The following CAPZA1 variants were observed in gnomAD, a reference collection of about 807,000 sequenced individuals.
The protein encoded by CAPZA1 is capping actin protein of muscle Z-line subunit alpha 1, also known as F-actin-capping protein subunit alpha-1.
A neutral mutation model predicts 40.8 loss-of-function variants in CAPZA1; 10 were observed. That is an observed-to-expected ratio of 0.25 (90% CI 0.15 to 0.42). CAPZA1 has a LOEUF of 0.42. CAPZA1 is among the 10% of genes least tolerant of loss of function. The probability of loss-of-function intolerance (pLI) is 1.00; values close to 1 mark genes in which losing one functional copy is unlikely to be tolerated. For missense variants in CAPZA1, 277 were observed against 353.8 expected (o/e 0.78, Z 1.74); for synonymous variants, 98 against 115.0 (o/e 0.85, Z 0.95).
At chr1:112,653,514 C>A in intron 3 of CAPZA1, 84 bp from the exon 4 acceptor site, 1 of 880,734 alleles carries the variant, frequency 1.1e-6, no homozygotes, top group Non-Finnish European at 1.8e-6. Context: ...TTCTGTGAAC[C>A]ACCTTTTGTG....
At chr1:112,667,967 A>G (rs1164947804) in intron 8 of CAPZA1, among the ~76,000 whole-genome samples, 1 of 151,968 alleles carries the variant, frequency 6.6e-6, no homozygotes, top group African/African-American at 2.4e-5. Flanking sequence ...AGATCTATCA[A>G]TGTTTACCTC....
At chr1:112,635,198 C>G (rs1435606844) in intron 1 of CAPZA1, among the ~76,000 whole-genome samples, 1 of 151,908 alleles carries the variant, frequency 6.6e-6, no homozygotes, top group African/African-American at 2.4e-5. Flanking sequence ...GTTGGAAGAA[C>G]CCAACCTTAA....
At chr1:112,668,277 AAAAG>A (rs959720768) in intron 8 of CAPZA1, among the ~76,000 whole-genome samples, 23 of 152,278 alleles carry the variant, frequency 1.5e-4, no homozygotes, top group African/African-American at 3.4e-4. Flanking sequence ...CCCTGTCTCA[AAAAG>A]AAAGAAAGAA....
intron 6 of CAPZA1, 148 bp from the exon 7 acceptor site, chr1:112,659,553 T>C: frequency 1.6e-6 from 1 of 637,582 alleles, no homozygotes. Context: ...GCTTTGGGTT[T>C]GCCAAACTGG....
intron 1 of CAPZA1, among the ~76,000 whole-genome samples, chr1:112,640,455 C>G (rs1413774133): frequency 7.5e-6 from 1 of 132,570 alleles, no homozygotes; most frequent in African/African-American, 3.0e-5. Context: ...AGGAGCCCCT[C>G]TGCCCAGCCA....
Position 112,623,769 on chromosome 1 carries a change from C to T in CAPZA1, c.39+3886C>T, listed in dbSNP as rs1010435477. 1.1e-4 allele frequency among the ~76,000 whole-genome samples: 16 copies of T among 151,076 alleles called. No individual in the cohort carries two copies. In the East Asian group the frequency reaches 1.6e-3, roughly 15 times the overall value. On this transcript the variant is annotated intron_variant, in intron 1 of 9. Transcript: ENST00000263168. ...TTGGGAGGCCGAGGCGGGTGGATCA[C>T]GAGGTCAGGAGATCGAGACCTGACC... is the stretch of plus-strand genomic sequence containing the variant.
chr1:112,620,933 C>T (rs1670625892), intron 1 of CAPZA1: 1 of 152,182 alleles, frequency 6.6e-6, no homozygotes, highest in Non-Finnish European at 1.5e-5. Flanking sequence ...ATTTGTCTCC[C>T]ACTGTGGCTA....
At position 112,632,132 on chromosome 1, in the gene CAPZA1, C is replaced by T. The variant is rs551040171; in HGVS notation, c.39+12249C>T. On this transcript the variant is annotated intron_variant, in intron 1 of 9. Coordinates refer to ENST00000263168, the MANE Select transcript of CAPZA1 (RefSeq NM_006135.3). ...CCAGCCTGGCCAACATGGTGAAACC[C>T]CATCTCTATTGAAAATACAAAAATT... Among the ~76,000 whole-genome samples the T allele has an allele frequency of 3.9e-5, 6 of 152,242 alleles. No homozygotes were observed. In the South Asian group the frequency reaches 8.3e-4, roughly 21 times the overall value.
chr1:112,670,097 A>G lies in CAPZA1; in HGVS notation c.826A>G (p.Ser276Gly). 1.2e-6 allele frequency: 2 copies of G among 1,614,014 alleles called. No individual in the cohort carries two copies. Among genetic ancestry groups the G allele is most frequent in the South Asian group, 1.1e-5 (1 of 91,078 alleles). The change falls in exon 10 of 10, where the codon AGC becomes GGC. Residue 276 changes from serine to glycine, a missense_variant. Physicochemically the swap from Ser to Gly is moderately conservative, Grantham distance 56. Around this residue, in one of 2 missense-constraint regions of CAPZA1, gnomAD observed 192 missense variants for 277.2 expected, o/e 0.69. Transcript: ENST00000263168. Reference protein sequence around the residue: ...RTKIDWNKILSYKIGKEMQNA With the variant: ...RTKIDWNKILGYKIGKEMQNA ...CAAAATCGACTGGAACAAGATACTC[A>G]GCTACAAGATTGGCAAAGAAATGCA... is the stretch of plus-strand genomic sequence containing the variant.
chr1:112,636,748 C>T lies in CAPZA1; in HGVS notation c.40-10462C>T, dbSNP rs535467663. ...AACTGCCTTCTTTCTTTCACTCTCC[C>T]ACCCTTGAGAATGATTGACTAAATC... On this transcript the variant is annotated intron_variant, in intron 1 of 9. Transcript: ENST00000263168. Among the ~76,000 whole-genome samples, 6 of 152,196 alleles carry T rather than the reference C, an allele frequency of 3.9e-5. No homozygotes were observed. In the East Asian group the frequency reaches 1.2e-3, roughly 29 times the overall value.
intron 7 of CAPZA1, 38 bp downstream of exon 7, chr1:112,659,817 AT>A: frequency 6.6e-7 from 1 of 1,507,014 alleles, no homozygotes. Flanking sequence ...AAAACTTCAC[AT>A]CTTTAAAACA....
intron 1 of CAPZA1, among the ~76,000 whole-genome samples, chr1:112,643,226 T>TA: frequency 6.6e-6 from 1 of 152,228 alleles, no homozygotes; most frequent in East Asian, 1.9e-4. Context: ...ATCTTTATTG[T>TA]AACGGTTAGT....
At chr1:112,653,557 C>CTTT (rs372032414) in intron 3 of CAPZA1, 41 bp from the exon 4 acceptor site, 376 of 815,224 alleles carry the variant, frequency 4.6e-4, no homozygotes, top group Middle Eastern at 1.1e-3. Context: ...CTCTCTCCCT[C>CTTT]TTTTTTTTTT....
chr1:112,657,595 C>T (rs1671523888), intron 5 of CAPZA1, among the ~76,000 whole-genome samples: 1 of 144,444 alleles, frequency 6.9e-6, no homozygotes, highest in African/African-American at 2.5e-5. Context: ...ACCCCTAATT[C>T]TTTTTTTTTT....
intron 1 of CAPZA1, among the ~76,000 whole-genome samples, chr1:112,624,605 C>T (rs374790812): frequency 1.8e-5 from 1 of 55,828 alleles, no homozygotes; most frequent in African/African-American, 8.2e-5. Flanking sequence ...AAAACTCCAT[C>T]AAAAAAAAAA....
intron 1 of CAPZA1, among the ~76,000 whole-genome samples, chr1:112,633,793 T>C (rs1670966785): frequency 6.6e-6 from 1 of 152,234 alleles, no homozygotes; most frequent in Non-Finnish European, 1.5e-5. Context: ...CTGACAGGCA[T>C]GAGGTGATAT....
intron 1 of CAPZA1, among the ~76,000 whole-genome samples, chr1:112,623,410 G>A (rs1670723918): frequency 6.6e-6 from 1 of 152,212 alleles, no homozygotes; most frequent in South Asian, 2.1e-4. Flanking sequence ...GCCGGGCCCA[G>A]TGGCTCACGC....
intron 7 of CAPZA1, 74 bp from the exon 8 acceptor site, chr1:112,667,000 C>CATGG: frequency 1.0e-6 from 1 of 993,164 alleles, no homozygotes; most frequent in Non-Finnish European, 1.6e-6. Context: ...TAGCTTAAAG[C>CATGG]ATGGATTTGT....
chr1:112,622,451 A>T (rs1028793479), intron 1 of CAPZA1, among the ~76,000 whole-genome samples: 1 of 152,246 alleles, frequency 6.6e-6, no homozygotes, highest in Admixed American at 6.5e-5. Flanking sequence ...TTACATGCTT[A>T]GCAAGACCAA....
Sources: gnomAD v4.1 joint callset for allele counts (sites outside exome capture counted in the v4.1 genomes callset) on GRCh38, gnomAD v4.1.1 for gene constraint, gnomAD v4.1.1 regional missense constraint, MANE v1.5 for transcripts, NCBI Gene and HGNC (gene_info 2026-07-23, HGNC 2026-07-21) for gene names.